Variants in NSMCE1 observed in about 807,000 individuals in gnomAD.
The protein encoded by NSMCE1 is non-structural maintenance of chromosomes element 1 homolog.
A neutral mutation model predicts 29.6 loss-of-function variants in NSMCE1; 18 were observed. That is an observed-to-expected ratio of 0.61 (90% CI 0.42 to 0.90). The LOEUF is 0.90. Among genes scored for constraint, NSMCE1 ranks in the 40% least tolerant of loss-of-function variants. The pLI, the probability that NSMCE1 is intolerant of heterozygous loss-of-function variation, is 0.00. For synonymous variants in NSMCE1, 124 were observed against 133.4 expected (o/e 0.93, Z 0.49); for missense variants, 314 against 343.6 (o/e 0.91, Z 0.68).
chr16:27,226,516 G>A (rs141756098), intron 6 of NSMCE1: 3 of 535,530 alleles, frequency 5.6e-6, no homozygotes, highest in Middle Eastern at 4.9e-4. Flanking sequence ...GAACCAGGGA[G>A]GAGGGCGGCA....
At chr16:27,260,950 T>A (rs1331724895) in intron 1 of NSMCE1, among the ~76,000 whole-genome samples, 1 of 150,726 alleles carries the variant, frequency 6.6e-6, no homozygotes, top group Non-Finnish European at 1.5e-5. Flanking sequence ...GTCAATCACC[T>A]GAGGTCAGGA....
intron 1 of NSMCE1, among the ~76,000 whole-genome samples, chr16:27,264,224 A>G (rs2084194458): frequency 6.6e-6 from 1 of 151,992 alleles, no homozygotes; most frequent in Admixed American, 6.6e-5. Flanking sequence ...TAAAAAAAAA[A>G]TCGCTGGGCA....
At chr16:27,256,238 G>A (rs76744294) in intron 2 of NSMCE1, among the ~76,000 whole-genome samples, 3 of 152,074 alleles carry the variant, frequency 2.0e-5, no homozygotes, top group East Asian at 3.9e-4. Context: ...AAAACCAAAC[G>A]CCTGCATTCC....
At chr16:27,249,848 G>T (rs200406906) in intron 2 of NSMCE1, among the ~76,000 whole-genome samples, 159 of 152,276 alleles carry the variant, frequency 1.0e-3, no homozygotes, top group Middle Eastern at 3.4e-3. Flanking sequence ...AGATCAATTT[G>T]GGGAGAATTG....
intron 1 of NSMCE1, among the ~76,000 whole-genome samples, chr16:27,258,508 G>A (rs1033713254): frequency 4.6e-5 from 7 of 152,220 alleles, no homozygotes; most frequent in African/African-American, 1.7e-4. Context: ...CATTTTAGGT[G>A]ATGTCAAGAT....
intron 7 of NSMCE1, 25 bp from the exon 8 acceptor site, chr16:27,225,261 A>G (rs1168014464): frequency 3.4e-6 from 5 of 1,461,246 alleles, no homozygotes; most frequent in East Asian, 2.3e-5. Flanking sequence ...GGCAGGAAAG[A>G]CACAGTGAAT....
Position 27,226,713 on chromosome 16 carries a change from C to A in NSMCE1, c.600+7G>T, listed in dbSNP as rs34940876. 1 of 1,590,778 alleles carries A rather than the reference C, an allele frequency of 6.3e-7. No homozygotes were observed. The highest frequency in any genetic ancestry group is 1.1e-5 in the South Asian group (1 of 90,540). On this transcript the variant is annotated splice_region_variant and intron_variant, in intron 6 of 7. Transcript: ENST00000361439. ...TGATGAGCTCCCGTGCCCTGCCCTG[C>A]GGGTACCTGGATGAGGAGGCTGTGA...
intron 7 of NSMCE1, 38 bp downstream of exon 7, chr16:27,225,688 G>C (rs774952332): frequency 3.7e-6 from 6 of 1,612,048 alleles, no homozygotes; most frequent in Non-Finnish European, 4.2e-6. Flanking sequence ...CGTCCTGCTG[G>C]CCCAGCCCCT....
At chr16:27,234,350 C>G in intron 3 of NSMCE1, 85 bp from the exon 4 acceptor site, 1 of 874,428 alleles carries the variant, frequency 1.1e-6, no homozygotes, top group Non-Finnish European at 2.0e-6. Flanking sequence ...CTCCCCTCCT[C>G]CATCTCTGGC....
intron 5 of NSMCE1, among the ~76,000 whole-genome samples, chr16:27,228,370 G>C (rs62028354): frequency 0.22 from 33,601 of 151,974 alleles, 4,162 homozygotes; most frequent in East Asian, 0.41. Context: ...CAAGTGCTGT[G>C]GGCAATGGGA....
chr16:27,260,711 T>C (rs1172837820), intron 1 of NSMCE1, among the ~76,000 whole-genome samples: 2 of 151,748 alleles, frequency 1.3e-5, no homozygotes, highest in Non-Finnish European at 2.9e-5. Flanking sequence ...ACACAAAAAT[T>C]AGCTGGGCAT....
rs1236555681 is a variant in NSMCE1 at position 27,232,750 on chromosome 16, C to T, written c.483+251G>A. On this transcript the variant is annotated intron_variant, in intron 5 of 7. Coordinates refer to ENST00000361439, the MANE Select transcript of NSMCE1 (RefSeq NM_145080.4). The surrounding 1 kb of genome is among the most constrained non-coding windows in gnomAD (Gnocchi z 4.5). ...TGATCCTGGGGCCCAAGTCCCTGGG[C>T]GCGGCTCCTGGCTCTGCCATTCTGG... is the stretch of plus-strand genomic sequence containing the variant. 2.6e-5 allele frequency among the ~76,000 whole-genome samples: 4 copies of T among 152,216 alleles called. No individual in the cohort carries two copies. Among genetic ancestry groups the T allele is most frequent in the Admixed American group, 6.5e-5 (1 of 15,288 alleles).
chr16:27,241,209 G>A (rs965596932), intron 2 of NSMCE1: 1 of 152,204 alleles, frequency 6.6e-6, no homozygotes, highest in Non-Finnish European at 1.5e-5. Flanking sequence ...ACAGGAAATT[G>A]GGAAGTCTAC....
intron 2 of NSMCE1, among the ~76,000 whole-genome samples, chr16:27,244,778 C>T (rs1039258106): frequency 6.6e-6 from 1 of 152,208 alleles, no homozygotes; most frequent in African/African-American, 2.4e-5. Flanking sequence ...CTCCGAGTTA[C>T]GGTCTTTCTC....
intron 1 of NSMCE1, among the ~76,000 whole-genome samples, chr16:27,265,697 C>A (rs1190293574): frequency 6.6e-6 from 1 of 152,174 alleles, no homozygotes; most frequent in Admixed American, 6.5e-5. Flanking sequence ...GAATTCAAAT[C>A]AGCAATGAAG....
intron 5 of NSMCE1, among the ~76,000 whole-genome samples, chr16:27,231,767 A>C (rs1376707648): frequency 1.3e-5 from 2 of 152,160 alleles, no homozygotes; most frequent in Non-Finnish European, 2.9e-5. Flanking sequence ...ACTGTGACAA[A>C]GCCATTGATG....
At chr16:27,234,346 T>A in intron 3 of NSMCE1, 81 bp from the exon 4 acceptor site, 1 of 909,226 alleles carries the variant, frequency 1.1e-6, no homozygotes. Flanking sequence ...CTCCCTCCCC[T>A]CCTCCATCTC....
At chr16:27,246,105 G>A (rs940636044) in intron 2 of NSMCE1, among the ~76,000 whole-genome samples, 1 of 152,016 alleles carries the variant, frequency 6.6e-6, no homozygotes, top group Non-Finnish European at 1.5e-5. Flanking sequence ...CGGGATGAAG[G>A]CAGATAAGAG....
chr16:27,225,880 G>T, intron 6 of NSMCE1, 34 bp from the exon 7 acceptor site: 1 of 1,611,912 alleles, frequency 6.2e-7, no homozygotes. Context: ...GGCGGAGCTG[G>T]TGCACACCTC....
Sources: gnomAD v4.1 joint callset for allele counts (sites outside exome capture counted in the v4.1 genomes callset) on GRCh38, gnomAD v4.1.1 for gene constraint, Gnocchi (gnomAD v3.1) non-coding constraint, MANE v1.5 for transcripts, NCBI Gene and HGNC (gene_info 2026-07-23, HGNC 2026-07-21) for gene names.